BPI: variants seen among roughly 807,000 people sequenced by gnomAD.
The protein encoded by BPI is bactericidal permeability-increasing protein.
A neutral mutation model predicts 57.6 loss-of-function variants in BPI; 48 were observed. The ratio of observed to expected loss-of-function variants is 0.83; its 90% CI spans 0.66 to 1.06. The LOEUF is 1.06. Ranked by LOEUF, BPI falls within the 50% of genes least tolerant of loss-of-function variation. The pLI is 0.00. For missense variants in BPI, 651 were observed against 609.7 expected (o/e 1.07, Z -0.71); for synonymous variants, 237 against 238.2 (o/e 0.99, Z 0.05).
intron 5 of BPI, chr20:38,317,824 G>A (rs1202210139): frequency 6.6e-7 from 1 of 1,507,624 alleles, no homozygotes; most frequent in Admixed American, 2.1e-5. Flanking sequence ...TCAGTGTGTG[G>A]CCCAAGTCAG....
At chr20:38,329,461 C>A (rs1033278337) in intron 11 of BPI, among the ~76,000 whole-genome samples, 1 of 152,170 alleles carries the variant, frequency 6.6e-6, no homozygotes, top group Non-Finnish European at 1.5e-5. Context: ...GCTTCAGAAA[C>A]GTATAGATTT....
At chr20:38,320,453 G>A (rs902920897) in intron 7 of BPI, among the ~76,000 whole-genome samples, 179 bp downstream of exon 7, 1 of 146,248 alleles carries the variant, frequency 6.8e-6, no homozygotes. Context: ...GCCATTCCCC[G>A]AAACACACCA....
intron 8 of BPI, among the ~76,000 whole-genome samples, chr20:38,324,366 G>A (rs1235777365): frequency 2.6e-5 from 4 of 152,324 alleles, no homozygotes. Context: ...ACCGAACACA[G>A]AGCTTTGAAT....
intron 14 of BPI, among the ~76,000 whole-genome samples, chr20:38,336,077 G>A (rs778600032): frequency 1.1e-4 from 17 of 152,196 alleles, no homozygotes; most frequent in Non-Finnish European, 2.1e-4. Context: ...GGCAGATTTA[G>A]ACACAGCACA....
rs376087230 is a variant in BPI at position 38,324,055 on chromosome 20, G to A, written c.933+9G>A. On this transcript the variant is annotated intron_variant, in intron 8 of 14. Transcript: ENST00000642449. ...CCCTTAGAGATGACATGGTAAGGCC[G>A]GGCTCTGGGTGGGTGTGGGAAGAGC... The A allele has an allele frequency of 4.5e-5, 72 of 1,612,906 alleles. No individual in the cohort carries two copies. Among genetic ancestry groups the A allele is most frequent in the Admixed American group, 1.7e-4 (10 of 59,974 alleles).
intron 14 of BPI, among the ~76,000 whole-genome samples, chr20:38,336,138 A>T (rs1030826978): frequency 6.6e-6 from 1 of 152,008 alleles, no homozygotes; most frequent in African/African-American, 2.4e-5. Flanking sequence ...TGCATTTGAC[A>T]CTGATGCGCT....
At chr20:38,328,566 G>A (rs1239661150) in intron 11 of BPI, among the ~76,000 whole-genome samples, 1 of 151,778 alleles carries the variant, frequency 6.6e-6, no homozygotes, top group Non-Finnish European at 1.5e-5. Flanking sequence ...TAAAAAATAA[G>A]CCCAGTAATT....
At position 38,323,895 on chromosome 20, in the gene BPI, A is replaced by G. The variant is rs1237929621; in HGVS notation, c.782A>G (p.His261Arg). 4.3e-6 allele frequency: 7 copies of G among 1,614,154 alleles called. No homozygotes were observed. The highest frequency in any genetic ancestry group is 2.2e-5 in the East Asian group (1 of 44,886). Residue 261 changes from histidine to arginine, a missense_variant, in exon 8 of 15, where the codon CAC becomes CGC. His to Arg is a conservative substitution (Grantham distance 29, BLOSUM62 0). Transcript: ENST00000642449. ...GGGGAGTTTTACAGTGAGAACCACCACAATCCACCTCCCTTTGCTCCACCA... is the reference window on the plus strand; with the variant it reads ...GGGGAGTTTTACAGTGAGAACCACCGCAATCCACCTCCCTTTGCTCCACCA... ...MKGEFYSENH[H>R]NPPPFAPPVM...
chr20:38,328,672 CA>C (rs2076726315), intron 11 of BPI, among the ~76,000 whole-genome samples: 1 of 151,724 alleles, frequency 6.6e-6, no homozygotes, highest in Non-Finnish European at 1.5e-5. Context: ...ACTCAATATG[CA>C]AGAGGGAAAG....
intron 10 of BPI, 184 bp downstream of exon 10, chr20:38,326,616 A>T: frequency 1.7e-6 from 1 of 599,344 alleles, no homozygotes; most frequent in South Asian, 3.3e-5. Context: ...TCACCCAGCC[A>T]TTCACTAGTG....
chr20:38,305,045 T>C (rs2058727442), intron 1 of BPI, among the ~76,000 whole-genome samples: 2 of 152,220 alleles, frequency 1.3e-5, no homozygotes, highest in African/African-American at 4.8e-5. Flanking sequence ...ACGGGGTTGC[T>C]CGATGCTGCC....
chr20:38,326,123 C>T, intron 9 of BPI, 142 bp from the exon 10 acceptor site: 1 of 893,866 alleles, frequency 1.1e-6, no homozygotes, highest in Non-Finnish European at 1.6e-6. Flanking sequence ...TGCCAGCTGG[C>T]AGACTGTGCA....
chr20:38,335,726 G>A, intron 14 of BPI, 52 bp downstream of exon 14: 1 of 1,549,956 alleles, frequency 6.5e-7, no homozygotes. Context: ...GTGACCAACA[G>A]CAGCCTATGG....
At chr20:38,306,918 C>T (rs1215242544) in intron 1 of BPI, among the ~76,000 whole-genome samples, 1 of 152,064 alleles carries the variant, frequency 6.6e-6, no homozygotes, top group Non-Finnish European at 1.5e-5. Context: ...CATGGTGGCT[C>T]ATGCCTGTAA....
intron 8 of BPI, 21 bp from the exon 9 acceptor site, chr20:38,324,753 T>C: frequency 6.3e-7 from 1 of 1,599,694 alleles, no homozygotes; most frequent in Non-Finnish European, 8.6e-7. Context: ...TCCGAGATCC[T>C]TTTCTCATCT....
chr20:38,335,519 C>T (rs1283860287), intron 13 of BPI, 79 bp from the exon 14 acceptor site: 3 of 1,331,574 alleles, frequency 2.3e-6, no homozygotes, highest in South Asian at 1.2e-5. Flanking sequence ...AGGCTGTCTA[C>T]CCAGGCTCTC....
At chr20:38,318,016 G>A (rs1600704156) in intron 5 of BPI, 10 of 985,062 alleles carry the variant, frequency 1.0e-5, no homozygotes, top group Non-Finnish European at 1.1e-5. Flanking sequence ...GTAAGGGAAG[G>A]CTGGCCATTG....
intron 14 of BPI, among the ~76,000 whole-genome samples, chr20:38,336,146 G>A (rs1001320462): frequency 5.9e-5 from 9 of 151,982 alleles, no homozygotes; most frequent in African/African-American, 2.2e-4. Flanking sequence ...ACACTGATGC[G>A]CTTCCTGGGC....
At chr20:38,330,011 C>A (rs1399244713) in intron 11 of BPI, among the ~76,000 whole-genome samples, 1 of 152,130 alleles carries the variant, frequency 6.6e-6, no homozygotes, top group Non-Finnish European at 1.5e-5. Context: ...CCGTGCCTGG[C>A]CAAAACTCTG....
Sources: allele counts gnomAD v4.1 joint callset (sites outside exome capture counted in the v4.1 genomes callset), GRCh38; gene constraint gnomAD v4.1.1; transcripts MANE v1.5; gene names NCBI Gene and HGNC (gene_info 2026-07-23, HGNC 2026-07-21).